Variants in USH2A observed in about 807,000 individuals in gnomAD.
USH2A encodes the protein usherin.
Under a neutral mutation model 538.9 loss-of-function variants are expected in USH2A, and 443 were observed. That is an observed-to-expected ratio of 0.82 (90% CI 0.76 to 0.89). The LOEUF (loss-of-function observed/expected upper bound fraction) is 0.89. USH2A is among the 40% of genes least tolerant of loss of function. The pLI is 0.00. For synonymous variants in USH2A, 2,413 were observed against 2,273.5 expected (o/e 1.06, Z -1.75); for missense variants, 6,633 against 6,324.8 (o/e 1.05, Z -1.65).
intron 18 of USH2A, 117 bp downstream of exon 18, chr1:216,198,198 A>T (rs2034894599): frequency 6.7e-7 from 1 of 1,486,538 alleles, no homozygotes; most frequent in Non-Finnish European, 9.1e-7. Flanking sequence ...TCCTTGGTCT[A>T]TGGAAGTTTC....
At chr1:215,906,053 C>A (rs1358228354) in intron 38 of USH2A, among the ~76,000 whole-genome samples, 1 of 152,010 alleles carries the variant, frequency 6.6e-6, no homozygotes, top group Non-Finnish European at 1.5e-5. Flanking sequence ...GTCATTGAGT[C>A]ATGAACAAAT....
At chr1:216,124,512 A>G (rs144726308) in intron 21 of USH2A, among the ~76,000 whole-genome samples, 106 of 152,332 alleles carry the variant, frequency 7.0e-4, no homozygotes, top group African/African-American at 2.5e-3. Context: ...CCCTCCAGAT[A>G]GAAATACAAC....
At chr1:215,804,667 C>A (rs1220153998) in intron 49 of USH2A, among the ~76,000 whole-genome samples, 1 of 150,642 alleles carries the variant, frequency 6.6e-6, no homozygotes, top group Non-Finnish European at 1.5e-5. Flanking sequence ...GAAATAGGAA[C>A]ACTTTCACAC....
intron 34 of USH2A, among the ~76,000 whole-genome samples, chr1:215,997,971 C>A (rs1668176756): frequency 6.6e-6 from 1 of 151,908 alleles, no homozygotes; most frequent in Non-Finnish European, 1.5e-5. Flanking sequence ...AGACAGTTAG[C>A]AATAGTTGAG....
rs900773489 is a variant in USH2A at position 215,815,472 on chromosome 1, C to G, written c.9570+1525G>C. Among the ~76,000 whole-genome samples, 4 of 151,624 alleles carry G rather than the reference C, an allele frequency of 2.6e-5. No homozygotes were observed. In the East Asian group the frequency reaches 7.8e-4, roughly 29 times the overall value. On this transcript the variant is annotated intron_variant, in intron 48 of 71. Coordinates refer to ENST00000307340, the MANE Select transcript of USH2A (RefSeq NM_206933.4). The stretch of plus-strand genomic sequence containing the variant: ...TAAATTGATTTAAAATTAAACTAAC[C>G]GGTTCTTTGTCATTCACTGAATTTA...
intron 30 of USH2A, among the ~76,000 whole-genome samples, chr1:216,055,177 C>T (rs2030936144): frequency 6.6e-6 from 1 of 152,160 alleles, no homozygotes; most frequent in Non-Finnish European, 1.5e-5. Flanking sequence ...TTTCTAGCTT[C>T]CTCTCCCCAG....
intron 50 of USH2A, among the ~76,000 whole-genome samples, chr1:215,792,215 T>C (rs1300869986): frequency 6.6e-6 from 1 of 152,174 alleles, no homozygotes; most frequent in Non-Finnish European, 1.5e-5. Context: ...ATCTGATCAC[T>C]CTGAGGGACT....
At chr1:215,750,358 G>GGAACCTTGTCCTGACA (rs567232825) in intron 58 of USH2A, among the ~76,000 whole-genome samples, 167 of 152,232 alleles carry the variant, frequency 1.1e-3, no homozygotes, top group African/African-American at 3.3e-3. Context: ...TTCCTGACAA[G>GGAACCTTGTCCTGACA]AGGGACAGTG....
intron 47 of USH2A, among the ~76,000 whole-genome samples, chr1:215,834,469 A>T (rs926381673): frequency 6.6e-6 from 1 of 152,218 alleles, no homozygotes; most frequent in African/African-American, 2.4e-5. Flanking sequence ...ATCCATTTAC[A>T]TGACAATATG....
intron 3 of USH2A, among the ~76,000 whole-genome samples, chr1:216,367,586 T>G (rs2038623672): frequency 6.6e-6 from 1 of 152,194 alleles, no homozygotes; most frequent in African/African-American, 2.4e-5. Flanking sequence ...CAGTGTCACT[T>G]GCAGTGAATT....
chr1:215,926,898 G>A (rs181850588), intron 38 of USH2A, among the ~76,000 whole-genome samples: 1 of 151,940 alleles, frequency 6.6e-6, no homozygotes, highest in Non-Finnish European at 1.5e-5. Context: ...GTGAGCCACC[G>A]CGCCCAGCCT....
chr1:216,233,529 C>G (rs2035744154), intron 13 of USH2A, among the ~76,000 whole-genome samples: 1 of 152,018 alleles, frequency 6.6e-6, no homozygotes, highest in African/African-American at 2.4e-5. Context: ...GCAGCCAGTA[C>G]ACTGCTTGGC....
chr1:216,260,663 T>C (rs1436376753), intron 11 of USH2A, among the ~76,000 whole-genome samples: 2 of 152,158 alleles, frequency 1.3e-5, no homozygotes, highest in Non-Finnish European at 2.9e-5. Context: ...AGGTCCCCTT[T>C]TCAACCCCAC....
chr1:215,685,924 A>G (rs1035157880), intron 61 of USH2A, among the ~76,000 whole-genome samples: 1 of 152,110 alleles, frequency 6.6e-6, no homozygotes, highest in African/African-American at 2.4e-5. Context: ...CTCCGGAATC[A>G]AAGATCAACT....
intron 60 of USH2A, among the ~76,000 whole-genome samples, chr1:215,738,513 T>G (rs1660215307): frequency 6.6e-6 from 1 of 152,148 alleles, no homozygotes; most frequent in African/African-American, 2.4e-5. Context: ...GGGCAGACGC[T>G]TTTTAATAGG....
intron 64 of USH2A, among the ~76,000 whole-genome samples, chr1:215,661,480 C>T (rs1324709674): frequency 6.6e-6 from 1 of 152,094 alleles, no homozygotes; most frequent in Non-Finnish European, 1.5e-5. Context: ...CTTCAACATC[C>T]CTTATTGATT....
intron 50 of USH2A, among the ~76,000 whole-genome samples, chr1:215,797,464 G>A (rs868769497): frequency 1.3e-5 from 2 of 152,228 alleles, no homozygotes; most frequent in South Asian, 2.1e-4. Context: ...AAAAGTCAAC[G>A]CCTGGTTTCA....
At chr1:216,130,155 T>G (rs2033340831) in intron 21 of USH2A, among the ~76,000 whole-genome samples, 1 of 151,760 alleles carries the variant, frequency 6.6e-6, no homozygotes, top group African/African-American at 2.4e-5. Context: ...TGGGCAAAAA[T>G]TTCTTTTATT....
At chr1:215,994,282 G>C (rs975177114) in intron 34 of USH2A, among the ~76,000 whole-genome samples, 1 of 151,994 alleles carries the variant, frequency 6.6e-6, no homozygotes, top group African/African-American at 2.4e-5. Context: ...TTCTTTAGGC[G>C]TCTCTCTGAT....
Sources: gnomAD v4.1 joint callset for allele counts (sites outside exome capture counted in the v4.1 genomes callset) on GRCh38, gnomAD v4.1.1 for gene constraint, MANE v1.5 for transcripts, NCBI Gene and HGNC (gene_info 2026-07-23, HGNC 2026-07-21) for gene names.